VPS41: variants seen among roughly 807,000 people sequenced by gnomAD.
The protein encoded by VPS41 is vacuolar protein sorting-associated protein 41 homolog.
In VPS41, 85 loss-of-function variants were observed where a neutral mutation model predicts 130.9. The observed-to-expected ratio is 0.65, with a 90% CI of 0.55 to 0.78. The LOEUF (loss-of-function observed/expected upper bound fraction) is 0.78, where lower values mean the gene tolerates loss of function less well. Ranked by LOEUF, VPS41 falls within the 30% of genes least tolerant of loss-of-function variation. The pLI, the probability that VPS41 is intolerant of heterozygous loss-of-function variation, is 0.00. For missense variants in VPS41, 874 were observed against 1,018.7 expected (o/e 0.86, Z 1.93); for synonymous variants, 335 against 332.9 (o/e 1.01, Z -0.07).
intron 21 of VPS41, among the ~76,000 whole-genome samples, chr7:38,753,272 G>A (rs1198580193): frequency 1.3e-5 from 2 of 152,110 alleles, no homozygotes; most frequent in African/African-American, 4.8e-5. Context: ...CTGTAAATGC[G>A]CTGATGTTTG....
In VPS41 at chr7:38,724,666, TCAC is replaced by T. The variant is rs1180936922; in HGVS notation, c.*1577_*1579del. ...TGGAGTGCAATGGCGCGATCTCAGCTCACCACAACCTACGTCTCCTGGGGTCAA... is the reference window on the plus strand; with the variant it reads ...TGGAGTGCAATGGCGCGATCTCAGCTCACAACCTACGTCTCCTGGGGTCAA... On this transcript the variant is annotated 3_prime_UTR_variant, in exon 29 of 29. Coordinates refer to ENST00000310301, the MANE Select transcript of VPS41 (RefSeq NM_014396.4). The T allele has an allele frequency of 6.6e-6, 1 of 152,256 alleles. No individual in the cohort carries two copies. The highest frequency in any genetic ancestry group is 1.5e-5 in the Non-Finnish European group (1 of 68,930). The allele number at this position is 152,256 out of a possible 1,614,324, so 9.4% of individuals were successfully genotyped here.
intron 5 of VPS41, among the ~76,000 whole-genome samples, chr7:38,826,452 A>G (rs1312689783): frequency 6.6e-6 from 1 of 152,206 alleles, no homozygotes; most frequent in Non-Finnish European, 1.5e-5. Context: ...AAAACTAGAA[A>G]ACTGTTTGGC....
In VPS41 at chr7:38,863,402, T is replaced by G. The variant is rs185005259; in HGVS notation, c.169-780A>C. On this transcript the variant is annotated intron_variant, in intron 3 of 28. Transcript: ENST00000310301. ...TAGTCCAAAATTCTCTGTATTTCAT[T>G]GCATGTGAGCATGCTTCATTGCAAC... 2.2e-4 allele frequency among the ~76,000 whole-genome samples: 33 copies of G among 152,332 alleles called. No homozygotes were observed. In the East Asian group the frequency reaches 4.8e-3, roughly 22 times the overall value.
At chr7:38,733,072 T>A (rs756895366) in intron 25 of VPS41, among the ~76,000 whole-genome samples, 1 of 152,170 alleles carries the variant, frequency 6.6e-6, no homozygotes, top group African/African-American at 2.4e-5. Context: ...AAGCCATCCG[T>A]TCACCTCAGC....
At chr7:38,836,411 T>C (rs543457819) in intron 4 of VPS41, among the ~76,000 whole-genome samples, 20 of 152,216 alleles carry the variant, frequency 1.3e-4, no homozygotes, top group African/African-American at 2.9e-4. Flanking sequence ...TTAAAGAGAA[T>C]TGGAGAGAAA....
chr7:38,768,450 G>T (rs1457273859), intron 14 of VPS41, among the ~76,000 whole-genome samples: 1 of 151,920 alleles, frequency 6.6e-6, no homozygotes, highest in African/African-American at 2.4e-5. Context: ...TGTTTGGTAT[G>T]AAATTACATC....
intron 13 of VPS41, among the ~76,000 whole-genome samples, chr7:38,772,300 C>T (rs1373650214): frequency 1.3e-5 from 2 of 152,152 alleles, no homozygotes; most frequent in African/African-American, 4.8e-5. Flanking sequence ...TCCCTCCACT[C>T]CCAACTCCTC....
At chr7:38,892,516 T>C (rs1442743335) in intron 2 of VPS41, among the ~76,000 whole-genome samples, 3 of 152,198 alleles carry the variant, frequency 2.0e-5, no homozygotes, top group African/African-American at 7.2e-5. Flanking sequence ...ACTTGTTCCA[T>C]TACATCTTTG....
chr7:38,806,558 T>C (rs998154383), intron 7 of VPS41, among the ~76,000 whole-genome samples: 7 of 152,236 alleles, frequency 4.6e-5, no homozygotes, highest in African/African-American at 1.7e-4. Context: ...CTTTACTTTT[T>C]ATTATTATAA....
intron 2 of VPS41, among the ~76,000 whole-genome samples, chr7:38,883,470 G>C (rs1786657116): frequency 6.6e-6 from 1 of 152,106 alleles, no homozygotes; most frequent in Non-Finnish European, 1.5e-5. Context: ...CACCTGAACA[G>C]ACAGGCCTTC....
At chr7:38,908,150 G>C (rs1787309797) in intron 1 of VPS41, among the ~76,000 whole-genome samples, 1 of 152,138 alleles carries the variant, frequency 6.6e-6, no homozygotes, top group South Asian at 2.1e-4. Flanking sequence ...TGACTCTTAT[G>C]ATACTAAACA....
chr7:38,878,580 A>G (rs1246032202), intron 2 of VPS41, among the ~76,000 whole-genome samples: 10 of 152,234 alleles, frequency 6.6e-5, no homozygotes, highest in African/African-American at 1.4e-4. Context: ...CCCCGCATAT[A>G]TTAATAAAAA....
At chr7:38,752,436 G>T in intron 21 of VPS41, 123 bp from the exon 22 acceptor site, 1 of 1,165,582 alleles carries the variant, frequency 8.6e-7, no homozygotes, top group Non-Finnish European at 1.2e-6. Context: ...AGTCTTCAGG[G>T]AAAACCTCTA....
intron 9 of VPS41, among the ~76,000 whole-genome samples, chr7:38,791,040 A>G (rs1339649459): frequency 6.6e-6 from 1 of 152,220 alleles, no homozygotes; most frequent in African/African-American, 2.4e-5. Flanking sequence ...GTGAATGCAG[A>G]GTGCCCACTT....
At chr7:38,853,775 G>A (rs1003690159) in intron 4 of VPS41, among the ~76,000 whole-genome samples, 1 of 152,200 alleles carries the variant, frequency 6.6e-6, no homozygotes, top group Non-Finnish European at 1.5e-5. Flanking sequence ...TGAAATATGT[G>A]AAATACCAGG....
At chr7:38,856,053 G>A (rs114658546) in intron 4 of VPS41, among the ~76,000 whole-genome samples, 2,110 of 152,182 alleles carry the variant, frequency 0.014, 49 homozygotes, top group African/African-American at 0.046. Context: ...TTATATGGCC[G>A]GCAGGAAGGG....
intron 2 of VPS41, among the ~76,000 whole-genome samples, chr7:38,875,741 G>A (rs1466780569): frequency 6.6e-6 from 1 of 152,248 alleles, no homozygotes; most frequent in South Asian, 2.1e-4. Flanking sequence ...AAACAACTGT[G>A]GTCAAAGCTC....
intron 5 of VPS41, among the ~76,000 whole-genome samples, chr7:38,828,007 T>C (rs566323295): frequency 1.3e-5 from 2 of 151,818 alleles, no homozygotes; most frequent in Non-Finnish European, 2.9e-5. Flanking sequence ...AAAAAAAAAA[T>C]TGTAAAGGTT....
Position 38,763,450 on chromosome 7 carries a change from C to A in VPS41, c.1422+5G>T. 6.3e-7 allele frequency: 1 copy of A among 1,582,220 alleles called. No homozygotes were observed. Among genetic ancestry groups the A allele is most frequent in the South Asian group, 1.2e-5 (1 of 86,436 alleles). On this transcript the variant is annotated splice_donor_5th_base_variant and intron_variant, in intron 17 of 28. Coordinates refer to ENST00000310301, the MANE Select transcript of VPS41 (RefSeq NM_014396.4). The stretch of plus-strand genomic sequence containing the variant: ...AGTAAATATGACCACATCAGAACAC[C>A]ATACCTCATAATCACTCTCCAAAAA...
Sources: allele counts gnomAD v4.1 joint callset (sites outside exome capture counted in the v4.1 genomes callset), GRCh38; gene constraint gnomAD v4.1.1; transcripts MANE v1.5; gene names NCBI Gene and HGNC (gene_info 2026-07-23, HGNC 2026-07-21).